MYO3B: variants seen among roughly 807,000 people sequenced by gnomAD.
The protein encoded by MYO3B is myosin-IIIb.
A neutral mutation model predicts 174.6 loss-of-function variants in MYO3B; 156 were observed. That is an observed-to-expected ratio of 0.89 (90% CI 0.78 to 1.02). MYO3B has a LOEUF of 1.02. MYO3B is among the 50% of genes least tolerant of loss of function. The pLI is 0.00. For missense variants in MYO3B, 1,632 were observed against 1,639.4 expected (o/e 1.00, Z 0.08); for synonymous variants, 563 against 569.1 (o/e 0.99, Z 0.15).
intron 28 of MYO3B, among the ~76,000 whole-genome samples, chr2:170,506,060 A>T (rs556202563): frequency 6.6e-6 from 1 of 152,324 alleles, no homozygotes; most frequent in East Asian, 1.9e-4. Context: ...CTCTTTGGGG[A>T]GAGTGCTTTT....
intron 23 of MYO3B, among the ~76,000 whole-genome samples, chr2:170,452,798 A>T (rs1683671217): frequency 6.6e-6 from 1 of 152,228 alleles, no homozygotes; most frequent in African/African-American, 2.4e-5. Context: ...AAGACAGGAA[A>T]TCAGAAGCCG....
intron 32 of MYO3B, among the ~76,000 whole-genome samples, chr2:170,610,313 C>G (rs1272773635): frequency 2.6e-5 from 4 of 151,576 alleles, no homozygotes; most frequent in Non-Finnish European, 2.9e-5. Flanking sequence ...TGTACTCCAG[C>G]CTGGGTGACA....
At chr2:170,549,545 T>C (rs1391164419) in intron 32 of MYO3B, among the ~76,000 whole-genome samples, 1 of 152,244 alleles carries the variant, frequency 6.6e-6, no homozygotes, top group East Asian at 1.9e-4. Context: ...CCAGTTGCTC[T>C]CATTACTAAA....
intron 32 of MYO3B, among the ~76,000 whole-genome samples, chr2:170,642,038 C>T (rs910783868): frequency 5.3e-5 from 8 of 152,086 alleles, no homozygotes; most frequent in African/African-American, 1.9e-4. Flanking sequence ...CGCCTCTGGA[C>T]AGTTTCCCCA....
At chr2:170,259,378 G>C (rs1210244466) in intron 7 of MYO3B, among the ~76,000 whole-genome samples, 3 of 152,042 alleles carry the variant, frequency 2.0e-5, no homozygotes, top group Admixed American at 2.0e-4. Flanking sequence ...TACACCAATG[G>C]AACAGAATAG....
intron 8 of MYO3B, among the ~76,000 whole-genome samples, chr2:170,357,917 C>T (rs1185495310): frequency 1.3e-5 from 2 of 152,160 alleles, no homozygotes; most frequent in African/African-American, 4.8e-5. Context: ...CTTTGGGAGG[C>T]CAAGGTGGGT....
chr2:170,602,856 C>T (rs949069903), intron 32 of MYO3B, among the ~76,000 whole-genome samples: 3 of 152,090 alleles, frequency 2.0e-5, no homozygotes, highest in Non-Finnish European at 2.9e-5. Context: ...CACCTGAGGT[C>T]GGGAGTTTGA....
At chr2:170,501,887 C>CA in intron 28 of MYO3B, 22 bp downstream of exon 28, 1 of 1,477,206 alleles carries the variant, frequency 6.8e-7, no homozygotes, top group South Asian at 1.1e-5. Flanking sequence ...ATCATTTTCA[C>CA]AGTGTCCACT....
chr2:170,563,289 G>T lies in MYO3B; in HGVS notation c.3733+19301G>T, dbSNP rs114856465. Among the ~76,000 whole-genome samples the T allele has an allele frequency of 3.8e-3, 578 of 152,282 alleles. 2 individuals carry two copies. Among genetic ancestry groups the T allele is most frequent in the African/African-American group, 0.013 (531 of 41,554 alleles). ...ATATAGTGAAACCATAAAGGATAGTGTAGTTCTCCAAGGACCAATGAGAGT... is the reference window on the plus strand; with the variant it reads ...ATATAGTGAAACCATAAAGGATAGTTTAGTTCTCCAAGGACCAATGAGAGT... On this transcript the variant is annotated intron_variant, in intron 32 of 34. Transcript: ENST00000408978.
chr2:170,209,329 T>G (rs2092746971), intron 3 of MYO3B, among the ~76,000 whole-genome samples: 1 of 152,168 alleles, frequency 6.6e-6, no homozygotes, highest in African/African-American at 2.4e-5. Context: ...CCTTAATCAT[T>G]AAAGGCCATA....
At chr2:170,506,370 G>A (rs1490962837) in intron 28 of MYO3B, among the ~76,000 whole-genome samples, 2 of 152,288 alleles carry the variant, frequency 1.3e-5, no homozygotes, top group South Asian at 2.1e-4. Context: ...GTTTCCTTTA[G>A]CATCATCAGT....
At chr2:170,499,903 C>T (rs997756570) in intron 27 of MYO3B, 95 bp downstream of exon 27, 4 of 1,006,842 alleles carry the variant, frequency 4.0e-6, no homozygotes, top group African/African-American at 3.1e-5. Flanking sequence ...AGTGGTTTCC[C>T]TCCCTCCCTT....
At chr2:170,651,154 G>A in intron 32 of MYO3B, among the ~76,000 whole-genome samples, 1 of 152,080 alleles carries the variant, frequency 6.6e-6, no homozygotes, top group South Asian at 2.1e-4. Flanking sequence ...TTTAGCTCAA[G>A]CCATTTCCCC....
At chr2:170,291,585 C>T (rs563380293) in intron 7 of MYO3B, among the ~76,000 whole-genome samples, 1 of 152,072 alleles carries the variant, frequency 6.6e-6, no homozygotes, top group South Asian at 2.1e-4. Flanking sequence ...AGAATAACTC[C>T]CTTTATAATT....
At chr2:170,238,841 G>T (rs539806097) in intron 7 of MYO3B, among the ~76,000 whole-genome samples, 1 of 152,162 alleles carries the variant, frequency 6.6e-6, no homozygotes, top group Non-Finnish European at 1.5e-5. Context: ...CTGTACATGG[G>T]TCTCCTTGCT....
intron 7 of MYO3B, among the ~76,000 whole-genome samples, chr2:170,328,935 C>A (rs1412139092): frequency 6.6e-6 from 1 of 152,074 alleles, no homozygotes; most frequent in Non-Finnish European, 1.5e-5. Context: ...GAGGCCAAGG[C>A]AGATCACCTG....
chr2:170,452,884 G>A (rs576675795), intron 23 of MYO3B, among the ~76,000 whole-genome samples: 12 of 152,288 alleles, frequency 7.9e-5, no homozygotes, highest in South Asian at 2.1e-4. Context: ...TTTCCTAAGC[G>A]AAGAATTGAA....
intron 7 of MYO3B, among the ~76,000 whole-genome samples, chr2:170,260,939 A>G (rs191122114): frequency 8.2e-4 from 125 of 152,372 alleles, no homozygotes; most frequent in African/African-American, 3.0e-3. Flanking sequence ...TATGAGAAGT[A>G]TGCTTTAAAG....
At chr2:170,481,930 C>T (rs563897452) in intron 25 of MYO3B, among the ~76,000 whole-genome samples, 1 of 152,254 alleles carries the variant, frequency 6.6e-6, no homozygotes, top group South Asian at 2.1e-4. Context: ...TGAATGACTT[C>T]TTTTCTCTCT....
Sources: allele counts gnomAD v4.1 joint callset (sites outside exome capture counted in the v4.1 genomes callset), GRCh38; gene constraint gnomAD v4.1.1; transcripts MANE v1.5; gene names NCBI Gene and HGNC (gene_info 2026-07-23, HGNC 2026-07-21).